Variants in UBR4 observed in about 807,000 individuals in gnomAD.
The protein encoded by UBR4 is E3 ubiquitin-protein ligase UBR4.
Under a neutral mutation model 575.6 loss-of-function variants are expected in UBR4, and 124 were observed. The observed-to-expected ratio is 0.22, with a 90% CI of 0.19 to 0.25. UBR4 has a LOEUF of 0.25. Ranked by LOEUF, UBR4 falls within the 10% of genes least tolerant of loss-of-function variation. UBR4 has a pLI of 1.00. For synonymous variants in UBR4, 2,455 were observed against 2,473.7 expected (o/e 0.99, Z 0.22); for missense variants, 4,818 against 6,478.8 (o/e 0.74, Z 8.80).
At position 19,201,751 on chromosome 1, in the gene UBR4, A is replaced by G. The variant is rs1383070492; in HGVS notation, c.241T>C (p.Ser81Pro). The G allele has an allele frequency of 1.2e-6, 2 of 1,614,142 alleles. No individual in the cohort carries two copies. The highest frequency in any genetic ancestry group is 8.5e-7 in the Non-Finnish European group (1 of 1,179,984). The change falls in exon 2 of 106, where the codon TCC becomes CCC. Residue 81 changes from serine (S) to proline (P), a missense_variant. Ser to Pro is a moderately conservative substitution (Grantham distance 74). Transcript: ENST00000375254. ...EPFYSSFVAL[S>P]THYITTVCSL... ...CAAACTGTTGTAATATAGTGTGTGG[A>G]AAGTGCAACAAAAGATGAGTAGAAT... is the stretch of plus-strand genomic sequence containing the variant.
rs185411354 is a variant in UBR4 at position 19,084,539 on chromosome 1, C to T, written c.14973G>A (p.Pro4991=). Residue 4991 remains proline, a synonymous_variant, in exon 102 of 106, where the codon CCG becomes CCA. Transcript: ENST00000375254. Reference sequence around the variant, plus strand: ...CGTAAAGCACAGTGTGAATGATGTACGGGATCAGGTGGATGTTGCTCTCCC... The same window carrying T: ...CGTAAAGCACAGTGTGAATGATGTATGGGATCAGGTGGATGTTGCTCTCCC... ...GGRESNIHLI[P]YIIHTVLYVL... 1.2e-5 allele frequency: 19 copies of T among 1,613,780 alleles called. No homozygotes were observed. The South Asian group carries it at 1.3e-4, about 11-fold the overall frequency.
rs368239206 is a variant in UBR4, at chr1:19,121,238, C to T, written c.10092G>A (p.Lys3364=). ...ASSGQATTQS[K]SSTKKSKKEE... ...CTTTCTTGCTCTTTTTAGTGGAAGACTTGGACTGTGTTGTGGCTTGTCCAG... is the reference window on the plus strand; with the variant it reads ...CTTTCTTGCTCTTTTTAGTGGAAGATTTGGACTGTGTTGTGGCTTGTCCAG... The change falls in exon 68 of 106, where the codon AAG becomes AAA. Residue 3364 remains lysine, a synonymous_variant. Coordinates refer to ENST00000375254, the MANE Select transcript of UBR4 (RefSeq NM_020765.3). 31 of 1,614,190 alleles carry T rather than the reference C, an allele frequency of 1.9e-5. No individual in the cohort carries two copies. The highest frequency in any genetic ancestry group is 2.3e-5 in the Non-Finnish European group (27 of 1,180,032).
chr1:19,084,420 G>T, intron 102 of UBR4, 84 bp downstream of exon 102: 1 of 1,396,482 alleles, frequency 7.2e-7, no homozygotes. Flanking sequence ...AGCATGAGAG[G>T]CTATGAAAAA....
intron 60 of UBR4, among the ~76,000 whole-genome samples, chr1:19,129,593 C>A (rs1557703332): frequency 6.6e-6 from 1 of 152,210 alleles, no homozygotes; most frequent in Non-Finnish European, 1.5e-5. Flanking sequence ...CCTTGTCCAC[C>A]ATCTTCCTAA....
In UBR4 at chr1:19,162,485, C is replaced by G. The variant is rs2150572685; in HGVS notation, c.4891G>C (p.Glu1631Gln). 6.2e-7 allele frequency: 1 copy of G among 1,614,110 alleles called. No homozygotes were observed. Among genetic ancestry groups the G allele is most frequent in the Non-Finnish European group, 8.5e-7 (1 of 1,179,946 alleles). Reference protein sequence around the residue: ...LSVDGEERAIEVDSDWVEELA... With the variant: ...LSVDGEERAIQVDSDWVEELA... ...TCCTCCACCCAGTCTGAGTCTACTTCAATGGCCCGCTCTTCCCCATCCACT... is the reference window on the plus strand; with the variant it reads ...TCCTCCACCCAGTCTGAGTCTACTTGAATGGCCCGCTCTTCCCCATCCACT... The change falls in exon 35 of 106, where the codon GAA becomes CAA. Residue 1631 changes from glutamate (E) to glutamine (Q), a missense_variant. Around this residue, in one of 29 missense-constraint regions of UBR4, gnomAD observed 1,172 missense variants for 1,259.7 expected, o/e 0.93. Coordinates refer to ENST00000375254, the MANE Select transcript of UBR4 (RefSeq NM_020765.3).
intron 44 of UBR4, among the ~76,000 whole-genome samples, 174 bp downstream of exon 44, chr1:19,154,744 C>T (rs1252784907): frequency 6.6e-6 from 1 of 152,194 alleles, no homozygotes; most frequent in African/African-American, 2.4e-5. Flanking sequence ...GACAACCCAA[C>T]CTGCCAAACC....
In UBR4 at chr1:19,086,783, C is replaced by T; in HGVS notation, c.14583G>A (p.Arg4861=). 1 of 1,614,200 alleles carries T rather than the reference C, an allele frequency of 6.2e-7. No homozygotes were observed. The highest frequency in any genetic ancestry group is 8.5e-7 in the Non-Finnish European group (1 of 1,180,030). Residue 4861 remains arginine, a synonymous_variant, in exon 100 of 106, where the codon CGG becomes CGA. Transcript: ENST00000375254. ...KVLGIYTFTK[R]VALEEMENKP... ...TATTCTCCATCTCCTCCAAGGCTAC[C>T]CGCTTCGTGAAGGTATAAATGCCCA... is the stretch of plus-strand genomic sequence containing the variant.
intron 38 of UBR4, among the ~76,000 whole-genome samples, chr1:19,160,631 GTT>G (rs1353410147): frequency 3.9e-5 from 6 of 152,090 alleles, no homozygotes; most frequent in African/African-American, 1.2e-4. Context: ...CACTCAAATC[GTT>G]TTGTTTTCTG....
Position 19,160,267 on chromosome 1 carries a change from G to A in UBR4, c.5421C>T (p.Phe1807=), listed in dbSNP as rs146107023. Residue 1807 remains phenylalanine (F), a synonymous_variant, in exon 39 of 106, where the codon TTC becomes TTT. Transcript: ENST00000375254. The stretch of plus-strand genomic sequence containing the variant: ...TAAGCATGTCTAACACGAGAGGAGC[G>A]AAGGAGAAATTGGCCTGAGAAAAAT... The part of the protein sequence containing the change: ...EELQNQANFS[F]APLVLDMLNF... The A allele has an allele frequency of 4.9e-5, 78 of 1,601,694 alleles. No homozygotes were observed. The highest frequency in any genetic ancestry group is 1.4e-4 in the Admixed American group (8 of 58,390).
intron 90 of UBR4, among the ~76,000 whole-genome samples, chr1:19,098,199 T>C (rs10916944): frequency 1.3e-5 from 2 of 152,292 alleles, no homozygotes; most frequent in African/African-American, 4.8e-5. Flanking sequence ...TTTCCGGCTA[T>C]AGAAGCCCAG....
At chr1:19,172,771 GAAGA>G in intron 25 of UBR4, 89 bp downstream of exon 25, 1 of 1,339,606 alleles carries the variant, frequency 7.5e-7, no homozygotes, top group Non-Finnish European at 1.1e-6. Flanking sequence ...CCCCTAAGCT[GAAGA>G]AAGAGAAAAA....
At position 19,145,729 on chromosome 1, in the gene UBR4, C is replaced by A. The variant is rs148936054; in HGVS notation, c.7945+64G>T. 7.7e-3 allele frequency: 12,000 copies of A among 1,564,760 alleles called. 60 individuals carry two copies. Among genetic ancestry groups the A allele is most frequent in the Non-Finnish European group, 9.1e-3 (10,380 of 1,146,300 alleles). On this transcript the variant is annotated intron_variant, in intron 53 of 105. Coordinates refer to ENST00000375254, the MANE Select transcript of UBR4 (RefSeq NM_020765.3). ...GAAAGCTAATGGCTAACGGTCATAG[C>A]TGTTCAAAGACAGAACTTACATCAG... is the stretch of plus-strand genomic sequence containing the variant.
At position 19,094,249 on chromosome 1, in the gene UBR4, C is replaced by T. The variant is rs1348629024; in HGVS notation, c.13747-110G>A. The T allele has an allele frequency of 2.2e-5, 16 of 725,598 alleles. 1 individual carries two copies. The East Asian group carries it at 4.4e-4, about 20-fold the overall frequency. The allele number at this position is 725,598 out of a possible 1,614,324, so 44.9% of individuals were successfully genotyped here. On this transcript the variant is annotated intron_variant, in intron 94 of 105. Transcript: ENST00000375254. Reference sequence around the variant, plus strand: ...TTCCATCAGAGTCATCAGGAATACCCCTAGAAGAACTATGTCTCGGCACTT... The same window carrying T: ...TTCCATCAGAGTCATCAGGAATACCTCTAGAAGAACTATGTCTCGGCACTT...
intron 65 of UBR4, among the ~76,000 whole-genome samples, chr1:19,123,979 C>T (rs2081452640): frequency 2.0e-5 from 3 of 152,226 alleles, no homozygotes; most frequent in Admixed American, 2.0e-4. Flanking sequence ...GGGACACTGG[C>T]AGCAGGAGGA....
At chr1:19,128,380 G>T in intron 61 of UBR4, 62 bp from the exon 62 acceptor site, 1 of 1,397,454 alleles carries the variant, frequency 7.2e-7, no homozygotes. Context: ...CTTGAAATAC[G>T]GGGTGTTTCA....
intron 87 of UBR4, among the ~76,000 whole-genome samples, chr1:19,102,199 C>T (rs1274469237): frequency 6.6e-6 from 1 of 152,118 alleles, no homozygotes; most frequent in Non-Finnish European, 1.5e-5. Flanking sequence ...AATGCCATCT[C>T]TACAAAAAAT....
At chr1:19,103,797 C>A (rs1298471422) in intron 87 of UBR4, among the ~76,000 whole-genome samples, 1 of 152,180 alleles carries the variant, frequency 6.6e-6, no homozygotes, top group Non-Finnish European at 1.5e-5. Context: ...ATTAAAGAGA[C>A]AATGGCTGAG....
Position 19,153,925 on chromosome 1 carries a change from C to T in UBR4, c.6473G>A (p.Ser2158Asn). Residue 2158 changes from serine (S) to asparagine (N), a missense_variant, in exon 45 of 106, where the codon AGT (serine) becomes AAT (asparagine). Physicochemically the swap from Ser to Asn is conservative, Grantham distance 46 (BLOSUM62 1). Transcript: ENST00000375254. This position sits in a 1 kb window ranked among gnomAD's most constrained non-coding sequence, Gnocchi z 4.1. ...CTGGCAAAGAGCAGGAGAAGTCTTA[C>T]TGCCACCATTGGAACTGCAGACAAC... is the stretch of plus-strand genomic sequence containing the variant. ...PINIKSSNGG[S>N]KTSPALCQWS... 1.9e-6 allele frequency: 3 copies of T among 1,613,718 alleles called. No homozygotes were observed. The highest frequency in any genetic ancestry group is 1.7e-6 in the Non-Finnish European group (2 of 1,179,854).
chr1:19,153,752 A>G lies in UBR4; in HGVS notation c.6630+16T>C. The G allele has an allele frequency of 6.2e-7, 1 of 1,608,962 alleles. No homozygotes were observed. The highest frequency in any genetic ancestry group is 8.5e-7 in the Non-Finnish European group (1 of 1,177,690). On this transcript the variant is annotated intron_variant, in intron 45 of 105. Coordinates refer to ENST00000375254, the MANE Select transcript of UBR4 (RefSeq NM_020765.3). The surrounding 1 kb of genome is among the most constrained non-coding windows in gnomAD (Gnocchi z 4.1). ...GGTTCACAGCAAAGTAATGAATGGG[A>G]AAATCTGGCACTGACCTTCGCTTTA...
Sources: allele counts gnomAD v4.1 joint callset (sites outside exome capture counted in the v4.1 genomes callset), GRCh38; gene constraint gnomAD v4.1.1; regional missense constraint gnomAD v4.1.1; non-coding constraint Gnocchi (gnomAD v3.1); transcripts MANE v1.5; gene names NCBI Gene and HGNC (gene_info 2026-07-23, HGNC 2026-07-21).